The following NANOS3 variants were observed in gnomAD, a reference collection of about 807,000 sequenced individuals.
The protein encoded by NANOS3 is nanos C2HC-type zinc finger 3, also known as nanos homolog 3.
A neutral mutation model predicts 13.8 loss-of-function variants in NANOS3; 11 were observed. The observed-to-expected ratio is 0.80, with a 90% CI of 0.50 to 1.32. NANOS3 has a LOEUF of 1.32. Among genes scored for constraint, NANOS3 ranks in the 40% most tolerant of loss-of-function variants. The probability of loss-of-function intolerance (pLI) is 0.00; values close to 1 mark genes in which losing one functional copy is unlikely to be tolerated. For synonymous variants in NANOS3, 119 were observed against 115.4 expected (o/e 1.03, Z -0.20); for missense variants, 221 against 263.8 (o/e 0.84, Z 1.12).
At chr19:13,864,099 G>GTGAC (rs1176737347), upstream of NANOS3, among the ~76,000 whole-genome samples, 1 of 152,068 alleles carries the variant, frequency 6.6e-6, no homozygotes, top group African/African-American at 2.4e-5. Context: ...TTGCCCTGAT[G>GTGAC]TGACCTTCCT....
At chr19:13,874,785 C>T (rs1425079950), upstream of NANOS3, 1 of 533,768 alleles carries the variant, frequency 1.9e-6, no homozygotes. Context: ...TTGAGTGGAC[C>T]CTGAGGCCTG....
chr19:13,877,747 G>C lies in NANOS3; in HGVS notation c.499G>C (p.Gly167Arg), dbSNP rs1425220621. 2 of 1,517,674 alleles carry C rather than the reference G, an allele frequency of 1.3e-6. No individual in the cohort carries two copies. The highest frequency in any genetic ancestry group is 2.0e-5 in the Admixed American group (1 of 49,434). The allele number at this position is 1,517,674 out of a possible 1,614,324, so 94.0% of individuals were successfully genotyped here. Residue 167 changes from glycine to arginine, a missense_variant, in exon 1 of 2, where the codon GGA becomes CGA. By Grantham distance (125) the Gly-to-Arg change is moderately radical. Transcript: ENST00000339133. ...GACACAGGACACAGGCCACCGCCGA[G>C]GAGGAGGAGGAGGAGCAGGTGCCTG... is the stretch of plus-strand genomic sequence containing the variant. Reference protein sequence around the residue: ...AKTQDTGHRRGGGGGAGFRGA... With the variant: ...AKTQDTGHRRRGGGGAGFRGA...
chr19:13,873,141 G>A (rs1358200723), upstream of NANOS3, among the ~76,000 whole-genome samples: 1 of 152,062 alleles, frequency 6.6e-6, no homozygotes, highest in East Asian at 1.9e-4. Flanking sequence ...GTTTGGCGGT[G>A]GGCTCCGTGG....
intron 1 of NANOS3, among the ~76,000 whole-genome samples, chr19:13,868,182 T>C (rs560590223): frequency 6.6e-6 from 1 of 151,752 alleles, no homozygotes; most frequent in African/African-American, 2.4e-5. Context: ...CCTCAGCCTC[T>C]CGAGTAGCTG....
At chr19:13,874,418 G>C (rs962855371), upstream of NANOS3, among the ~76,000 whole-genome samples, 5 of 152,118 alleles carry the variant, frequency 3.3e-5, no homozygotes, top group African/African-American at 1.2e-4. Context: ...TTGACAAAGG[G>C]GGGTAATCTG....
chr19:13,873,500 G>C (rs1055500625), upstream of NANOS3, among the ~76,000 whole-genome samples: 1 of 152,012 alleles, frequency 6.6e-6, no homozygotes, highest in South Asian at 2.1e-4. Context: ...ACGGGGTCTC[G>C]TCCTGTGACC....
chr19:13,866,347 C>T (rs1976240985), intron 1 of NANOS3, among the ~76,000 whole-genome samples: 1 of 151,776 alleles, frequency 6.6e-6, no homozygotes, highest in Non-Finnish European at 1.5e-5. Flanking sequence ...TTCGGTTCCC[C>T]TCCCCCCATC....
intron 1 of NANOS3, among the ~76,000 whole-genome samples, chr19:13,869,381 C>T (rs1021878533): frequency 1.3e-5 from 2 of 152,066 alleles, no homozygotes; most frequent in East Asian, 1.9e-4. Flanking sequence ...AGAACCTTCT[C>T]GCCTTCCCCA....
upstream of NANOS3, among the ~76,000 whole-genome samples, chr19:13,872,255 G>C (rs375463897): frequency 1.3e-3 from 191 of 150,566 alleles, 1 homozygote; most frequent in African/African-American, 4.5e-3. Flanking sequence ...TGAGGCAGGA[G>C]AACTGCTTGA....
intron 1 of NANOS3, among the ~76,000 whole-genome samples, chr19:13,871,525 C>T (rs1976327346): frequency 6.6e-6 from 1 of 152,200 alleles, no homozygotes; most frequent in African/African-American, 2.4e-5. Context: ...GGTCTTGTGT[C>T]TTGTCTTAGG....
At chr19:13,864,821 C>T (rs1449803238), upstream of NANOS3, among the ~76,000 whole-genome samples, 3 of 152,108 alleles carry the variant, frequency 2.0e-5, no homozygotes, top group Non-Finnish European at 2.9e-5. Context: ...CCCCGGGTGT[C>T]CCTCTGTGTG....
At chr19:13,864,305 C>T (rs1005595476), upstream of NANOS3, among the ~76,000 whole-genome samples, 1 of 152,122 alleles carries the variant, frequency 6.6e-6, no homozygotes, top group Non-Finnish European at 1.5e-5. Flanking sequence ...GTGGTCTGTG[C>T]ACCTGGCCTG....
upstream of NANOS3, among the ~76,000 whole-genome samples, chr19:13,875,865 G>A (rs979002346): frequency 2.0e-5 from 3 of 152,188 alleles, no homozygotes; most frequent in Non-Finnish European, 4.4e-5. Context: ...GGGTGGATGA[G>A]CTGTGTAAGC....
intron 1 of NANOS3, 25 bp downstream of exon 1, chr19:13,877,790 G>A (rs772765754): frequency 2.2e-4 from 344 of 1,532,280 alleles, no homozygotes; most frequent in Non-Finnish European, 2.9e-4. Context: ...GGCTGGGGGG[G>A]ACCTGTCCGA....
chr19:13,868,722 C>A (rs1157402058), intron 1 of NANOS3, among the ~76,000 whole-genome samples: 3 of 151,572 alleles, frequency 2.0e-5, no homozygotes, highest in Non-Finnish European at 4.4e-5. Context: ...TCTTCCCACA[C>A]CTGACATTTT....
intron 1 of NANOS3, among the ~76,000 whole-genome samples, chr19:13,871,984 G>C (rs1429177815): frequency 2.6e-5 from 4 of 152,022 alleles, no homozygotes; most frequent in Admixed American, 6.6e-5. Context: ...GGGCAACAGA[G>C]CGAGACCCCG....
At chr19:13,874,634 C>T, upstream of NANOS3, 3 of 499,952 alleles carry the variant, frequency 6.0e-6, no homozygotes, top group African/African-American at 1.9e-5. Flanking sequence ...TCCTTACTCT[C>T]TCCTCCTCTC....
intron 1 of NANOS3, among the ~76,000 whole-genome samples, chr19:13,866,067 C>A (rs1366452128): frequency 6.6e-6 from 1 of 152,042 alleles, no homozygotes; most frequent in Non-Finnish European, 1.5e-5. Flanking sequence ...GAAGCCCTGG[C>A]GCCCTGCGCG....
intron 1 of NANOS3, among the ~76,000 whole-genome samples, chr19:13,879,516 G>A (rs1018403108): frequency 1.3e-5 from 2 of 152,244 alleles, no homozygotes; most frequent in African/African-American, 2.4e-5. Context: ...CAGGAGGATC[G>A]CTTGAGCCCA....
Sources: allele counts gnomAD v4.1 joint callset (sites outside exome capture counted in the v4.1 genomes callset), GRCh38; gene constraint gnomAD v4.1.1; transcripts MANE v1.5; gene names NCBI Gene and HGNC (gene_info 2026-07-23, HGNC 2026-07-21).